Variants in PIMREG observed in about 807,000 individuals in gnomAD.
PIMREG encodes the protein PICALM interacting mitotic regulator.
Under a neutral mutation model 24.3 loss-of-function variants are expected in PIMREG, and 19 were observed. The ratio of observed to expected loss-of-function variants is 0.78; its 90% CI spans 0.54 to 1.15. The LOEUF (loss-of-function observed/expected upper bound fraction) is 1.15. Among genes scored for constraint, PIMREG ranks in the 50% most tolerant of loss-of-function variants. The pLI, the probability that PIMREG is intolerant of heterozygous loss-of-function variation, is 0.00. For missense variants in PIMREG, 283 were observed against 306.8 expected (o/e 0.92, Z 0.58); for synonymous variants, 112 against 124.1 (o/e 0.90, Z 0.65).
chr17:6,449,991 C>T (rs546389350), intron 4 of PIMREG, 37 bp from the exon 5 acceptor site: 3 of 1,609,940 alleles, frequency 1.9e-6, no homozygotes, highest in South Asian at 2.2e-5. Flanking sequence ...CAGAGCCCAC[C>T]ACACCCAGTG....
At chr17:6,449,006 G>C (rs1913698103) in intron 3 of PIMREG, among the ~76,000 whole-genome samples, 1 of 152,218 alleles carries the variant, frequency 6.6e-6, no homozygotes, top group South Asian at 2.1e-4. Flanking sequence ...GTTTAGTTCT[G>C]ACACAATCAC....
chr17:6,447,378 A>C, intron 2 of PIMREG, 85 bp from the exon 3 acceptor site: 1 of 1,444,778 alleles, frequency 6.9e-7, no homozygotes, highest in Non-Finnish European at 9.5e-7. Flanking sequence ...GGCCTCCCAA[A>C]GTACTGGGAT....
chr17:6,450,506 G>C lies in PIMREG; in HGVS notation c.*159G>C. The stretch of plus-strand genomic sequence containing the variant: ...CCTAACAAGGGGCCCAGAGCCCCCT[G>C]CTCCAGCCACATCTGGACCCATCAG... On this transcript the variant is annotated 3_prime_UTR_variant, in exon 6 of 6. Transcript: ENST00000572447. 5 of 1,109,398 alleles carry C rather than the reference G, an allele frequency of 4.5e-6. No homozygotes were observed. Among genetic ancestry groups the C allele is most frequent in the Non-Finnish European group, 5.1e-6 (4 of 777,446 alleles). 68.7% of individuals were successfully genotyped at this position (1,109,398 alleles called of 1,614,324 possible).
At chr17:6,446,148 A>G in intron 2 of PIMREG, 1 of 400,682 alleles carries the variant, frequency 2.5e-6, no homozygotes, top group Non-Finnish European at 4.4e-6. Flanking sequence ...ATTTGCTGTC[A>G]AATGAGAGCT....
In PIMREG at chr17:6,444,953, C is replaced by G. The variant is rs1032026689; in HGVS notation, c.-35-123C>G. On this transcript the variant is annotated intron_variant, in intron 1 of 5. Transcript: ENST00000572447. The surrounding 1 kb of genome is among the most constrained non-coding windows in gnomAD (Gnocchi z 4.3). ...TCCTCCTTCCTGCACCCACACTTAC[C>G]AACTCGCCCGCCCCCGCCACCCCGC... is the stretch of plus-strand genomic sequence containing the variant. 1.0e-5 allele frequency: 7 copies of G among 680,434 alleles called. No individual in the cohort carries two copies. The African/African-American group carries it at 1.3e-4, about 12-fold the overall frequency. 42.1% of individuals were successfully genotyped at this position (680,434 alleles called of 1,614,324 possible).
At position 6,447,758 on chromosome 17, in the gene PIMREG, G is replaced by A. The variant is rs1913642004; in HGVS notation, c.590G>A (p.Ser197Asn). The change falls in exon 3 of 6, where the codon AGC (serine) becomes AAC (asparagine). Residue 197 changes from serine to asparagine, a missense_variant and splice_region_variant. Physicochemically the swap from Ser to Asn is conservative, Grantham distance 46. Transcript: ENST00000572447. ...TCAACAGAGCCCCTCTGCTCTCCCA[G>A]GCAAGTGGGATAGTGCTTCACCCCG... Reference protein sequence around the residue: ...YSSTEPLCSPSESDSDLEPVG... With the variant: ...YSSTEPLCSPNESDSDLEPVG... The A allele has an allele frequency of 1.3e-6, 2 of 1,597,422 alleles. No individual in the cohort carries two copies.
At chr17:6,450,175 T>A (rs1913767451) in intron 5 of PIMREG, 103 bp downstream of exon 5, 1 of 1,309,588 alleles carries the variant, frequency 7.6e-7, no homozygotes. Context: ...CACAGCAGAG[T>A]AGGTAGTACC....
chr17:6,446,328 G>A (rs969705016), intron 2 of PIMREG: 18 of 396,930 alleles, frequency 4.5e-5, no homozygotes, highest in African/African-American at 1.9e-4. Flanking sequence ...GCTTCTCCTC[G>A]GTGTCTCATT....
At chr17:6,445,674 A>G (rs1028192634) in intron 2 of PIMREG, among the ~76,000 whole-genome samples, 4 of 152,242 alleles carry the variant, frequency 2.6e-5, no homozygotes, top group Non-Finnish European at 5.9e-5. Context: ...TTGCAAAGCA[A>G]GTGACCAATA....
At chr17:6,447,901 G>C (rs1913648049) in intron 3 of PIMREG, 143 bp downstream of exon 3, 11 of 740,642 alleles carry the variant, frequency 1.5e-5, no homozygotes, top group Non-Finnish European at 2.2e-5. Context: ...GGCACCCTGA[G>C]CAGCGTCATA....
rs148673241 is a variant in PIMREG at position 6,446,921 on chromosome 17, G to A, written c.295-542G>A. Among the ~76,000 whole-genome samples the A allele has an allele frequency of 2.1e-3, 323 of 152,270 alleles. 1 individual carries two copies. Among genetic ancestry groups the A allele is most frequent in the African/African-American group, 7.5e-3 (311 of 41,548 alleles). On this transcript the variant is annotated intron_variant, in intron 2 of 5. Coordinates refer to ENST00000572447, the MANE Select transcript of PIMREG (RefSeq NM_019013.3). ...CCAGGCACCAGGGGGGTCCTCCTGC[G>A]GCTGACTGCTGCTGTCATATCCAAG... is the stretch of plus-strand genomic sequence containing the variant.
chr17:6,449,144 TTCTC>T lies in PIMREG; in HGVS notation c.591-164_591-161del, dbSNP rs374453162. Among the ~76,000 whole-genome samples, 134 of 152,352 alleles carry T rather than the reference TTCTC, an allele frequency of 8.8e-4. 1 individual carries two copies. Among genetic ancestry groups the T allele is most frequent in the African/African-American group, 2.5e-3 (102 of 41,572 alleles). On this transcript the variant is annotated intron_variant, in intron 3 of 5. Coordinates refer to ENST00000572447, the MANE Select transcript of PIMREG (RefSeq NM_019013.3). ...GACCTTGGCCTCGTGGATCTTGATC[TTCTC>T]TCTGTTTGTCGCTCTGAGGTCACCT... is the stretch of plus-strand genomic sequence containing the variant.
At position 6,450,538 on chromosome 17, in the gene PIMREG, C is replaced by A; in HGVS notation, c.*191C>A. 1 of 703,088 alleles carries A rather than the reference C, an allele frequency of 1.4e-6. No homozygotes were observed. Among genetic ancestry groups the A allele is most frequent in the South Asian group, 2.0e-5 (1 of 51,148 alleles). 43.6% of individuals were successfully genotyped at this position (703,088 alleles called of 1,614,324 possible). A position where few individuals can be genotyped will look rare whatever the true frequency, so the allele number is the denominator to read the frequency against. Reference sequence around the variant, plus strand: ...CCACATCTGGACCCATCAGTGACTGCCTGCCATAGCCTGAGAGTGTCTTGG... The same window carrying A: ...CCACATCTGGACCCATCAGTGACTGACTGCCATAGCCTGAGAGTGTCTTGG... On this transcript the variant is annotated 3_prime_UTR_variant, in exon 6 of 6. Transcript: ENST00000572447.
chr17:6,447,701 G>A lies in PIMREG; in HGVS notation c.533G>A (p.Arg178Lys). 2 of 1,613,910 alleles carry A rather than the reference G, an allele frequency of 1.2e-6. No homozygotes were observed. The highest frequency in any genetic ancestry group is 1.7e-5 in the Admixed American group (1 of 60,028). ...GSHAHPLRRSRREAAFRSPYS... is the reference protein window; with the variant it reads ...GSHAHPLRRSKREAAFRSPYS... ...CATGCCCACCCATTACGGCGATCAA[G>A]GCGGGAGGCTGCCTTCCGGAGCCCC... is the stretch of plus-strand genomic sequence containing the variant. The change falls in exon 3 of 6, where the codon AGG becomes AAG. Residue 178 changes from arginine to lysine, a missense_variant. Physicochemically the swap from Arg to Lys is conservative, Grantham distance 26. Transcript: ENST00000572447.
intron 3 of PIMREG, 27 bp downstream of exon 3, chr17:6,447,785 G>T: frequency 1.3e-6 from 2 of 1,563,108 alleles, no homozygotes; most frequent in Non-Finnish European, 1.7e-6. Context: ...TTCACCCCGG[G>T]GCTGGTGGCC....
Position 6,450,345 on chromosome 17 carries a change from G to A in PIMREG, c.*15-17G>A. 6.5e-7 allele frequency: 1 copy of A among 1,549,468 alleles called. No homozygotes were observed. The highest frequency in any genetic ancestry group is 8.7e-7 in the Non-Finnish European group (1 of 1,153,658). On this transcript the variant is annotated splice_polypyrimidine_tract_variant and intron_variant, in intron 5 of 5. Coordinates refer to ENST00000572447, the MANE Select transcript of PIMREG (RefSeq NM_019013.3). ...TCCTACCTTGAGCACAGTGAAAAAG[G>A]CAGCTCTGTCTTGAAGGAAACAAGC...
rs1241081776 is a variant in PIMREG, at chr17:6,451,433, G to T, written c.*1086G>T. 1 of 152,194 alleles carries T rather than the reference G, an allele frequency of 6.6e-6. No homozygotes were observed. Among genetic ancestry groups the T allele is most frequent in the Admixed American group, 6.5e-5 (1 of 15,278 alleles). The allele number at this position is 152,194 out of a possible 1,614,324, so 9.4% of individuals were successfully genotyped here. ...TTTCTAACGGATTTTGTACAAGGCA[G>T]CCATAAGGAATATAATAAACCTTTT... On this transcript the variant is annotated 3_prime_UTR_variant, in exon 6 of 6. Coordinates refer to ENST00000572447, the MANE Select transcript of PIMREG (RefSeq NM_019013.3).
Position 6,445,078 on chromosome 17 carries a change from T to G in PIMREG, c.-33T>G. Reference sequence around the variant, plus strand: ...CTGCCTTTCGCCCTCCTCCCCAGGGTCTAGTGGACAGAGAAGACTCTTGGC... The same window carrying G: ...CTGCCTTTCGCCCTCCTCCCCAGGGGCTAGTGGACAGAGAAGACTCTTGGC... On this transcript the variant is annotated splice_region_variant and 5_prime_UTR_variant, in exon 2 of 6. Transcript: ENST00000572447. The G allele has an allele frequency of 6.5e-7, 1 of 1,542,284 alleles. No individual in the cohort carries two copies. Among genetic ancestry groups the G allele is most frequent in the Non-Finnish European group, 8.7e-7 (1 of 1,145,408 alleles).
chr17:6,447,643 G>T lies in PIMREG; in HGVS notation c.475G>T (p.Glu159Ter). 11 of 1,613,590 alleles carry T rather than the reference G, an allele frequency of 6.8e-6. No homozygotes were observed. Among genetic ancestry groups the T allele is most frequent in the Non-Finnish European group, 8.5e-6 (10 of 1,179,782 alleles). Residue 159 changes from glutamate to a stop codon, truncating the protein, a stop_gained, in exon 3 of 6, where the codon GAG becomes TAG. Coordinates refer to ENST00000572447, the MANE Select transcript of PIMREG (RefSeq NM_019013.3). LOFTEE classifies it high-confidence loss of function. ...AHSAADPWEK[E>*]HHRLSVRMGS... ...CTCAGCCGCAGACCCCTGGGAGAAG[G>T]AGCATCACCGCCTCTCTGTCCGGAT...
Sources: gnomAD v4.1 joint callset for allele counts (sites outside exome capture counted in the v4.1 genomes callset) on GRCh38, gnomAD v4.1.1 for gene constraint, Gnocchi (gnomAD v3.1) non-coding constraint, MANE v1.5 for transcripts, NCBI Gene and HGNC (gene_info 2026-07-23, HGNC 2026-07-21) for gene names.